The following SBF1 variants were observed in gnomAD, a reference collection of about 807,000 sequenced individuals.
The protein encoded by SBF1 is myotubularin-related protein 5.
In SBF1, 65 loss-of-function variants were observed where a neutral mutation model predicts 215.8. The observed-to-expected ratio is 0.30, with a 90% CI of 0.25 to 0.37. The LOEUF (loss-of-function observed/expected upper bound fraction) is 0.37. Among genes scored for constraint, SBF1 ranks in the 10% least tolerant of loss-of-function variants. The pLI is 1.00. For missense variants in SBF1, 2,634 were observed against 2,667.8 expected (o/e 0.99, Z 0.28); for synonymous variants, 1,410 against 1,122.8 (o/e 1.26, Z -5.11).
rs750631594 is a variant in SBF1, at chr22:50,461,616, T to C, written c.2746A>G (p.Ser916Gly). 1.9e-6 allele frequency: 3 copies of C among 1,611,700 alleles called. No homozygotes were observed. Among genetic ancestry groups the C allele is most frequent in the Admixed American group, 1.7e-5 (1 of 59,976 alleles). ...PDGREEGAGGSAGGPALLPAE... is the reference protein window; with the variant it reads ...PDGREEGAGGGAGGPALLPAE... ...GGGAGCAATGCTGGTCCCCCAGCAC[T>C]GCCCCCCGCGCCCTCCTCACGCCCA... Residue 916 changes from serine (S) to glycine (G), a missense_variant, in exon 22 of 41, where the codon AGT (serine) becomes GGT (glycine). Ser to Gly is a moderately conservative substitution (Grantham distance 56). Coordinates refer to ENST00000380817, the MANE Select transcript of SBF1 (RefSeq NM_002972.4).
intron 28 of SBF1, among the ~76,000 whole-genome samples, chr22:50,458,953 C>T (rs144471883): frequency 1.2e-3 from 181 of 152,296 alleles, no homozygotes; most frequent in Middle Eastern, 0.01. Flanking sequence ...AAGACAGAGC[C>T]GCGTAGAGGC....
chr22:50,454,447 G>T (rs1569509879), intron 36 of SBF1, 65 bp downstream of exon 36: 2 of 1,402,186 alleles, frequency 1.4e-6, no homozygotes, highest in Non-Finnish European at 2.0e-6. Flanking sequence ...ACACACGCAC[G>T]ACCCTGGTGT....
In SBF1 at chr22:50,462,565, G is replaced by C. The variant is rs768622629; in HGVS notation, c.2121C>G (p.Pro707=). The C allele has an allele frequency of 1.9e-4, 305 of 1,611,118 alleles. 1 individual carries two copies. In the Middle Eastern group the frequency reaches 6.0e-3, roughly 32 times the overall value. Residue 707 remains proline, a synonymous_variant, in exon 18 of 41, where the codon CCC becomes CCG. Transcript: ENST00000380817. ...CCAGGGAGTCCCTGCGCACCTGGGC[G>C]GGGGCCAGGTCCTCCGTGGGCTCCA... The part of the protein sequence containing the change: ...LYLEPTEDLA[P]AQEVGEAPSQ...
At position 50,455,954 on chromosome 22, in the gene SBF1, G is replaced by T. The variant is rs1055144957; in HGVS notation, c.4266+262C>A. 1.8e-5 allele frequency: 10 copies of T among 562,634 alleles called. No individual in the cohort carries two copies. In the African/African-American group the frequency reaches 1.9e-4, roughly 11 times the overall value. The allele number at this position is 562,634 out of a possible 1,614,324, so 34.9% of individuals were successfully genotyped here. On this transcript the variant is annotated intron_variant, in intron 31 of 40. Transcript: ENST00000380817. ...AACCATAAACTGCATCCCCCGTGTG[G>T]TCATCAGCCCACGTGGGCCCAGCAG...
Position 50,446,777 on chromosome 22 carries a change from G to T in SBF1, c.*365C>A. ...CTGGGTAGGCCGAGAGCAGGCAGCC[G>T]GGGAGTGGGGAAGGCAGGCACAGGA... On this transcript the variant is annotated 3_prime_UTR_variant, in exon 41 of 41. Coordinates refer to ENST00000380817, the MANE Select transcript of SBF1 (RefSeq NM_002972.4). The T allele has an allele frequency of 1.8e-6, 1 of 564,024 alleles. No homozygotes were observed. Among genetic ancestry groups the T allele is most frequent in the Non-Finnish European group, 3.4e-6 (1 of 293,872 alleles). 34.9% of individuals were successfully genotyped at this position (564,024 alleles called of 1,614,324 possible). A position where few individuals can be genotyped will look rare whatever the true frequency, so the allele number is the denominator to read the frequency against.
In SBF1 at chr22:50,466,473, T is replaced by C. The variant is rs1270593069; in HGVS notation, c.665A>G (p.Asn222Ser). The change falls in exon 7 of 41, where the codon AAC (asparagine) becomes AGC (serine). Residue 222 changes from asparagine (N) to serine (S), a missense_variant. By Grantham distance (46) the Asn-to-Ser change is conservative. Transcript: ENST00000380817. ...ALLFRQLGIT[N>S]VLSLFCAALT... ...GGCGGCACAGAACAAAGACAGCACG[T>C]TGGTGATGCCTAAAGGAAGAAGAGA... is the stretch of plus-strand genomic sequence containing the variant. The C allele has an allele frequency of 1.3e-6, 2 of 1,547,264 alleles. No homozygotes were observed. Among genetic ancestry groups the C allele is most frequent in the African/African-American group, 1.4e-5 (1 of 72,924 alleles).
Position 50,447,465 on chromosome 22 carries a change from C to T in SBF1, c.5452-12G>A. 1.7e-6 allele frequency: 1 copy of T among 581,930 alleles called. No individual in the cohort carries two copies. Among genetic ancestry groups the T allele is most frequent in the Admixed American group, 6.3e-5 (1 of 15,954 alleles). The allele number at this position is 581,930 out of a possible 1,614,324, so 36.0% of individuals were successfully genotyped here. A position where few individuals can be genotyped will look rare whatever the true frequency, so the allele number is the denominator to read the frequency against. On this transcript the variant is annotated splice_polypyrimidine_tract_variant and intron_variant, in intron 39 of 40. Coordinates refer to ENST00000380817, the MANE Select transcript of SBF1 (RefSeq NM_002972.4). Reference sequence around the variant, plus strand: ...TCGTAGTAGCGCAGCTGGAGGAGGCCACAGAGTCAGCGGAGCCCCCTCCCC... The same window carrying T: ...TCGTAGTAGCGCAGCTGGAGGAGGCTACAGAGTCAGCGGAGCCCCCTCCCC...
intron 24 of SBF1, 58 bp from the exon 25 acceptor site, chr22:50,460,466 G>A (rs1243639327): frequency 8.7e-6 from 14 of 1,607,104 alleles, no homozygotes; most frequent in Non-Finnish European, 1.0e-5. Context: ...TGAGCACAGG[G>A]GCCTAGGAGG....
rs187386678 is a variant in SBF1, at chr22:50,446,493, C to A, written c.*649G>T. The A allele has an allele frequency of 9.3e-4, 216 of 231,922 alleles. 4 individuals are homozygous for A. Among genetic ancestry groups the A allele is most frequent in the Non-Finnish European group, 3.7e-4 (42 of 113,452 alleles). The allele number at this position is 231,922 out of a possible 1,614,324, so 14.4% of individuals were successfully genotyped here. ...ACCACCCACCCTTTCACCCCCAAGC[C>A]TCTGTGAGGTCAGCTTCTGCATCCC... On this transcript the variant is annotated 3_prime_UTR_variant, in exon 41 of 41. Coordinates refer to ENST00000380817, the MANE Select transcript of SBF1 (RefSeq NM_002972.4).
chr22:50,446,975 C>A lies in SBF1; in HGVS notation c.*167G>T, dbSNP rs970004259. 1 of 719,280 alleles carries A rather than the reference C, an allele frequency of 1.4e-6. No homozygotes were observed. Among genetic ancestry groups the A allele is most frequent in the South Asian group, 1.5e-5 (1 of 65,596 alleles). 44.6% of individuals were successfully genotyped at this position (719,280 alleles called of 1,614,324 possible). A position where few individuals can be genotyped will look rare whatever the true frequency, so the allele number is the denominator to read the frequency against. On this transcript the variant is annotated 3_prime_UTR_variant, in exon 41 of 41. Transcript: ENST00000380817. ...CTGTGACGCCAAAATAAGTTAGGGC[C>A]GGCCGGGCGGGGCGGGGCGGGGACG...
chr22:50,455,674 C>G, intron 31 of SBF1, 92 bp from the exon 32 acceptor site: 1 of 1,076,672 alleles, frequency 9.3e-7, no homozygotes, highest in Non-Finnish European at 1.4e-6. Flanking sequence ...CCACAGGCAG[C>G]GGGGAGGCAG....
chr22:50,454,049 G>A (rs2067149928), intron 36 of SBF1, among the ~76,000 whole-genome samples: 1 of 152,198 alleles, frequency 6.6e-6, no homozygotes, highest in African/African-American at 2.4e-5. Flanking sequence ...CACCAGGGAT[G>A]GCACAGTGAG....
At chr22:50,449,991 C>CA (rs2066985708) in intron 36 of SBF1, among the ~76,000 whole-genome samples, 2 of 152,318 alleles carry the variant, frequency 1.3e-5, no homozygotes, top group African/African-American at 4.8e-5. Flanking sequence ...AGCCACAGTG[C>CA]AGGGAGGCAG....
intron 1 of SBF1, among the ~76,000 whole-genome samples, chr22:50,473,660 G>A (rs966898608): frequency 6.6e-6 from 1 of 152,126 alleles, no homozygotes; most frequent in Non-Finnish European, 1.5e-5. Flanking sequence ...AAAAAAGAGA[G>A]AACTCCAGGT....
chr22:50,467,269 C>T, intron 5 of SBF1, 69 bp downstream of exon 5: 1 of 1,363,776 alleles, frequency 7.3e-7, no homozygotes, highest in Non-Finnish European at 1.0e-6. Flanking sequence ...GGCTGGGCTC[C>T]AAATACCTAC....
At position 50,465,126 on chromosome 22, in the gene SBF1, C is replaced by T; in HGVS notation, c.1207G>A (p.Ala403Thr). The T allele has an allele frequency of 6.2e-7, 1 of 1,614,026 alleles. No homozygotes were observed. ...PEPVIRFHKA[A>T]FLGQRGLVED... Reference sequence around the variant, plus strand: ...ACCAGCCCACGCTGGCCCAGGAAGGCTGCCTGGATGACAGAAGGAGGTCGG... The same window carrying T: ...ACCAGCCCACGCTGGCCCAGGAAGGTTGCCTGGATGACAGAAGGAGGTCGG... Residue 403 changes from alanine (A) to threonine (T), a missense_variant, in exon 12 of 41, where the codon GCC (alanine) becomes ACC (threonine). Coordinates refer to ENST00000380817, the MANE Select transcript of SBF1 (RefSeq NM_002972.4).
chr22:50,461,865 A>G lies in SBF1; in HGVS notation c.2574T>C (p.Ile858=), dbSNP rs2067529324. ...CCAGGGTCTCGATGTGCATCTGGAC[A>G]ATGTCTGGGGGAAGACAGTTCTCAC... ...LKGLHVMVPD[I]VQMHIETLEA... Residue 858 remains isoleucine (I), a synonymous_variant, in exon 21 of 41, where the codon ATT becomes ATC. Coordinates refer to ENST00000380817, the MANE Select transcript of SBF1 (RefSeq NM_002972.4). 2.5e-6 allele frequency: 4 copies of G among 1,613,970 alleles called. No homozygotes were observed. Among genetic ancestry groups the G allele is most frequent in the Non-Finnish European group, 1.7e-6 (2 of 1,180,014 alleles).
intron 36 of SBF1, among the ~76,000 whole-genome samples, chr22:50,451,791 A>G (rs1603430686): frequency 6.6e-6 from 1 of 151,820 alleles, no homozygotes; most frequent in African/African-American, 2.4e-5. Context: ...AAACAAAGTA[A>G]TATCTTTTTT....
chr22:50,464,036 C>A (rs2067639624), intron 15 of SBF1, among the ~76,000 whole-genome samples: 2 of 152,200 alleles, frequency 1.3e-5, no homozygotes, highest in Non-Finnish European at 2.9e-5. Context: ...TATGGGCCTA[C>A]CCAATTTAAG....
Sources: gnomAD v4.1 joint callset for allele counts (sites outside exome capture counted in the v4.1 genomes callset) on GRCh38, gnomAD v4.1.1 for gene constraint, MANE v1.5 for transcripts, NCBI Gene and HGNC (gene_info 2026-07-23, HGNC 2026-07-21) for gene names.